Variants in CATSPERB observed in about 807,000 individuals in gnomAD.
The protein encoded by CATSPERB is cation channel sperm-associated auxiliary subunit beta.
CATSPERB carries 93 observed loss-of-function variants against 128.3 expected under a neutral mutation model. The ratio of observed to expected loss-of-function variants is 0.72; its 90% confidence interval spans 0.61 to 0.86. CATSPERB has a LOEUF of 0.86. Among genes scored for constraint, CATSPERB ranks in the 40% least tolerant of loss-of-function variants. The pLI is 0.00. For missense variants in CATSPERB, 1,153 were observed against 1,329.5 expected (o/e 0.87, Z 2.06); for synonymous variants, 381 against 448.8 (o/e 0.85, Z 1.91).
intron 1 of CATSPERB, among the ~76,000 whole-genome samples, chr14:91,730,539 C>T (rs1896194188): frequency 2.0e-5 from 3 of 152,148 alleles, no homozygotes; most frequent in South Asian, 2.1e-4. Flanking sequence ...TGAATTTCAC[C>T]TCTAAGGAAC....
intron 1 of CATSPERB, among the ~76,000 whole-genome samples, chr14:91,730,550 T>C (rs976942683): frequency 1.3e-5 from 2 of 152,144 alleles, no homozygotes; most frequent in African/African-American, 4.8e-5. Flanking sequence ...TCTAAGGAAC[T>C]TGGGGGACAG....
intron 17 of CATSPERB, among the ~76,000 whole-genome samples, chr14:91,634,068 C>T (rs1483294543): frequency 1.3e-5 from 2 of 152,046 alleles, no homozygotes; most frequent in African/African-American, 2.4e-5. Context: ...CTTTTAATTC[C>T]CCCCAAATTT....
chr14:91,708,083 T>A, intron 6 of CATSPERB, 58 bp downstream of exon 6: 1 of 1,180,310 alleles, frequency 8.5e-7, no homozygotes. Context: ...ATAGCGGATG[T>A]CAAAGTTTGT....
chr14:91,718,632 C>G (rs1652289087), intron 5 of CATSPERB, among the ~76,000 whole-genome samples: 1 of 152,004 alleles, frequency 6.6e-6, no homozygotes, highest in African/African-American at 2.4e-5. Flanking sequence ...CTTTAGAAAG[C>G]CTGTCTACAA....
chr14:91,695,154 GA>G (rs1895540971), intron 7 of CATSPERB, among the ~76,000 whole-genome samples: 3 of 134,648 alleles, frequency 2.2e-5, no homozygotes, highest in African/African-American at 2.8e-5. Context: ...TTTTTTGATA[GA>G]GTCTCACTCC....
intron 15 of CATSPERB, among the ~76,000 whole-genome samples, chr14:91,647,321 C>T (rs1894623567): frequency 6.6e-6 from 1 of 152,108 alleles, no homozygotes; most frequent in South Asian, 2.1e-4. Context: ...GTGGGGCACA[C>T]CATCTATATT....
chr14:91,637,898 T>C (rs1894407075), intron 16 of CATSPERB, among the ~76,000 whole-genome samples: 1 of 152,140 alleles, frequency 6.6e-6, no homozygotes, highest in African/African-American at 2.4e-5. Flanking sequence ...TTTTTTTAGT[T>C]AGTTCTACCC....
intron 11 of CATSPERB, among the ~76,000 whole-genome samples, chr14:91,676,169 G>GT (rs1895190439): frequency 6.6e-6 from 1 of 152,222 alleles, no homozygotes; most frequent in East Asian, 1.9e-4. Flanking sequence ...TCTTTTACAT[G>GT]TTTGGCTCTC....
Position 91,646,781 on chromosome 14 carries a change from A to G in CATSPERB, c.1433-7531T>C, listed in dbSNP as rs145678024. Among the ~76,000 whole-genome samples, 399 of 152,372 alleles carry G rather than the reference A, an allele frequency of 2.6e-3. 1 individual carries two copies. Among genetic ancestry groups the G allele is most frequent in the Non-Finnish European group, 4.2e-3 (285 of 68,042 alleles). On this transcript the variant is annotated intron_variant, in intron 15 of 26. Transcript: ENST00000256343. ...TCAGCCCTCCAATACAATGATGAAT[A>G]GAGGCAGTGGTAGATGACATAGCAA...
intron 17 of CATSPERB, among the ~76,000 whole-genome samples, chr14:91,626,032 G>A (rs1283241097): frequency 6.6e-6 from 1 of 152,198 alleles, no homozygotes; most frequent in Non-Finnish European, 1.5e-5. Context: ...GGCTGAGGCA[G>A]TGGGATCACT....
At chr14:91,683,845 C>G in intron 11 of CATSPERB, 32 bp downstream of exon 11, 4 of 1,386,328 alleles carry the variant, frequency 2.9e-6, no homozygotes, top group Non-Finnish European at 4.0e-6. Flanking sequence ...GTAAAAGTCT[C>G]TTAATACAGT....
intron 21 of CATSPERB, among the ~76,000 whole-genome samples, 173 bp from the exon 22 acceptor site, chr14:91,608,577 A>T (rs1893758902): frequency 6.6e-6 from 1 of 152,196 alleles, no homozygotes; most frequent in South Asian, 2.1e-4. Context: ...GAATTTCAAC[A>T]ATTTTAACCA....
At chr14:91,606,539 C>A (rs1258123465) in intron 22 of CATSPERB, among the ~76,000 whole-genome samples, 1 of 152,096 alleles carries the variant, frequency 6.6e-6, no homozygotes, top group Non-Finnish European at 1.5e-5. Flanking sequence ...CTCCAGCCTG[C>A]GTGACAGAGC....
chr14:91,712,037 C>G (rs949865669), intron 5 of CATSPERB, among the ~76,000 whole-genome samples: 1 of 152,088 alleles, frequency 6.6e-6, no homozygotes, highest in Non-Finnish European at 1.5e-5. Context: ...GAGGAAAACA[C>G]AACATCACAA....
Position 91,598,826 on chromosome 14 carries a change from C to T in CATSPERB, c.2710-6824G>A, listed in dbSNP as rs185395968. ...TGAGCCGAGATCGCACCACTGCACT[C>T]CAGCCTGGGCAACAGAGCAAGACTC... is the stretch of plus-strand genomic sequence containing the variant. On this transcript the variant is annotated intron_variant, in intron 22 of 26. Coordinates refer to ENST00000256343, the MANE Select transcript of CATSPERB (RefSeq NM_024764.4). 2.2e-5 allele frequency among the ~76,000 whole-genome samples: 3 copies of T among 135,324 alleles called. No homozygotes were observed. The East Asian group carries it at 6.8e-4, about 30-fold the overall frequency. The allele number at this position is 135,324 out of a possible 152,430, so 88.8% of individuals were successfully genotyped here.
chr14:91,591,351 G>A (rs570861085), intron 23 of CATSPERB, among the ~76,000 whole-genome samples: 2 of 152,062 alleles, frequency 1.3e-5, no homozygotes, highest in East Asian at 1.9e-4. Context: ...CACCACACCC[G>A]GCCCCAACTG....
chr14:91,636,382 T>C, intron 17 of CATSPERB, 43 bp downstream of exon 17: 2 of 1,584,700 alleles, frequency 1.3e-6, no homozygotes, highest in Non-Finnish European at 8.6e-7. Context: ...AAAAAGTAGA[T>C]TCTAGAAACC....
At chr14:91,661,932 C>T (rs1161058955) in intron 14 of CATSPERB, among the ~76,000 whole-genome samples, 2 of 152,070 alleles carry the variant, frequency 1.3e-5, no homozygotes. Flanking sequence ...CAAACCTCAC[C>T]AATACTTGAT....
At position 91,636,586 on chromosome 14, in the gene CATSPERB, A is replaced by G; in HGVS notation, c.1588-7T>C. On this transcript the variant is annotated splice_polypyrimidine_tract_variant and splice_region_variant and intron_variant, in intron 16 of 26. Transcript: ENST00000256343. ...CAAAGCCCATATCTGGAGGCTGGAA[A>G]CAGAGAAAAGAAAATATTATATTTA... is the stretch of plus-strand genomic sequence containing the variant. 6.2e-7 allele frequency: 1 copy of G among 1,603,222 alleles called. No homozygotes were observed. Among genetic ancestry groups the G allele is most frequent in the South Asian group, 1.1e-5 (1 of 89,438 alleles).
Sources: gnomAD v4.1 joint callset for allele counts (sites outside exome capture counted in the v4.1 genomes callset) on GRCh38, gnomAD v4.1.1 for gene constraint, MANE v1.5 for transcripts, NCBI Gene and HGNC (gene_info 2026-07-23, HGNC 2026-07-21) for gene names.